USP46: variants seen among roughly 807,000 people sequenced by gnomAD.
USP46 encodes the protein ubiquitin carboxyl-terminal hydrolase 46.
Under a neutral mutation model 44.4 loss-of-function variants are expected in USP46, and 12 were observed. The ratio of observed to expected loss-of-function variants is 0.27; its 90% confidence interval spans 0.17 to 0.44. The LOEUF (loss-of-function observed/expected upper bound fraction) is 0.44, where lower values mean the gene tolerates loss of function less well. Among genes scored for constraint, USP46 ranks in the 20% least tolerant of loss-of-function variants. USP46 has a pLI of 1.00. For missense variants in USP46, 248 were observed against 444.8 expected (o/e 0.56, Z 3.98); for synonymous variants, 155 against 161.5 (o/e 0.96, Z 0.31).
chr4:52,595,137 T>C lies in USP46; in HGVS notation c.*2503A>G, dbSNP rs1577651519. 6.6e-6 allele frequency: 1 copy of C among 152,640 alleles called. No homozygotes were observed. The highest frequency in any genetic ancestry group is 1.5e-5 in the Non-Finnish European group (1 of 68,034). 9.5% of individuals were successfully genotyped at this position (152,640 alleles called of 1,614,324 possible). On this transcript the variant is annotated 3_prime_UTR_variant, in exon 9 of 9. Transcript: ENST00000441222. ...CTCCTGCAGATGACACACGGAATCC[T>C]TGGCCATTGGAGGGAATACTGCAGA...
At chr4:52,643,533 A>C (rs900023907) in intron 1 of USP46, among the ~76,000 whole-genome samples, 1 of 152,248 alleles carries the variant, frequency 6.6e-6, no homozygotes, top group African/African-American at 2.4e-5. Context: ...CCAGACATTT[A>C]CAGAAAAGCT....
At chr4:52,649,874 A>T (rs1465859590) in intron 1 of USP46, among the ~76,000 whole-genome samples, 1 of 152,206 alleles carries the variant, frequency 6.6e-6, no homozygotes, top group Non-Finnish European at 1.5e-5. Flanking sequence ...CTCACATCGG[A>T]ATCAACTGTG....
chr4:52,629,793 G>A, intron 2 of USP46: 1 of 451,584 alleles, frequency 2.2e-6, no homozygotes, highest in Admixed American at 2.4e-5. Flanking sequence ...TCACCCAAAG[G>A]GTAGAAGCCA....
At chr4:52,653,495 C>CAA (rs397880678) in intron 1 of USP46, among the ~76,000 whole-genome samples, 231 of 52,612 alleles carry the variant, frequency 4.4e-3, no homozygotes, top group African/African-American at 7.7e-3. Context: ...AACTCTATCT[C>CAA]AAAAAAAAAA....
At chr4:52,615,276 T>G (rs772705314) in intron 4 of USP46, among the ~76,000 whole-genome samples, 3 of 152,214 alleles carry the variant, frequency 2.0e-5, no homozygotes, top group East Asian at 3.9e-4. Flanking sequence ...CCAATTTCTA[T>G]GCCGTCCGCA....
chr4:52,605,286 T>A (rs1716645166), intron 5 of USP46, among the ~76,000 whole-genome samples: 1 of 152,202 alleles, frequency 6.6e-6, no homozygotes, highest in Admixed American at 6.5e-5. Flanking sequence ...CATATGTGTA[T>A]CTGCCTTATC....
At position 52,626,124 on chromosome 4, in the gene USP46, C is replaced by T; in HGVS notation, c.455G>A (p.Gly152Asp). 1 of 1,613,836 alleles carries T rather than the reference C, an allele frequency of 6.2e-7. No homozygotes were observed. The highest frequency in any genetic ancestry group is 2.2e-5 in the East Asian group (1 of 44,866). ...QEKQNGKLKN[G>D]NMNEPAENNK... ...ATTTTCCGCAGGTTCGTTCATGTTGCCATTTTTTAATTTTCCATTTTGTTT... is the reference window on the plus strand; with the variant it reads ...ATTTTCCGCAGGTTCGTTCATGTTGTCATTTTTTAATTTTCCATTTTGTTT... The change falls in exon 4 of 9, where the codon GGC becomes GAC. Residue 152 changes from glycine (G) to aspartate (D), a missense_variant. Coordinates refer to ENST00000441222, the MANE Select transcript of USP46 (RefSeq NM_022832.4).
intron 1 of USP46, chr4:52,651,007 T>G (rs760857311): frequency 2.0e-5 from 3 of 148,396 alleles, no homozygotes; most frequent in Non-Finnish European, 4.4e-5. Context: ...GGCAGGAGAA[T>G]CGCTTGAACC....
rs1476115023 is a variant in USP46 at position 52,659,163 on chromosome 4, T to G, written c.-13A>C. ...TTCGGACAGTCATTAGTCTAAAGGTTGCAGCGATCCCTCACCGCCATCTTT... is the reference window on the plus strand; with the variant it reads ...TTCGGACAGTCATTAGTCTAAAGGTGGCAGCGATCCCTCACCGCCATCTTT... On this transcript the variant is annotated 5_prime_UTR_variant, in exon 1 of 9. Coordinates refer to ENST00000441222, the MANE Select transcript of USP46 (RefSeq NM_022832.4). This position sits in a 1 kb window ranked among gnomAD's most constrained non-coding sequence, Gnocchi z 4.2. The G allele has an allele frequency of 1.9e-6, 3 of 1,554,214 alleles. No individual in the cohort carries two copies. The highest frequency in any genetic ancestry group is 2.6e-6 in the Non-Finnish European group (3 of 1,150,876).
intron 5 of USP46, among the ~76,000 whole-genome samples, chr4:52,605,727 G>A (rs190248910): frequency 6.6e-5 from 10 of 152,298 alleles, no homozygotes; most frequent in African/African-American, 2.4e-4. Context: ...GATCAGTGCA[G>A]CTTCAACAGA....
intron 1 of USP46, among the ~76,000 whole-genome samples, chr4:52,648,574 A>G (rs1173715252): frequency 1.3e-5 from 2 of 152,224 alleles, no homozygotes; most frequent in African/African-American, 4.8e-5. Flanking sequence ...CACTGACCTA[A>G]GCAACTGGAT....
intron 7 of USP46, 74 bp downstream of exon 7, chr4:52,601,783 G>A (rs1716483327): frequency 1.4e-6 from 2 of 1,479,336 alleles, no homozygotes; most frequent in Non-Finnish European, 1.8e-6. Flanking sequence ...CAGGAAAGGT[G>A]CAGCTGGGTA....
At chr4:52,653,458 G>A (rs537249000) in intron 1 of USP46, among the ~76,000 whole-genome samples, 3 of 135,924 alleles carry the variant, frequency 2.2e-5, no homozygotes, top group East Asian at 4.3e-4. Context: ...TGAAGCCATC[G>A]CACTCCAGCC....
At chr4:52,609,535 C>T (rs975822651) in intron 5 of USP46, among the ~76,000 whole-genome samples, 10 of 152,272 alleles carry the variant, frequency 6.6e-5, no homozygotes, top group Admixed American at 2.0e-4. Flanking sequence ...TTCTCCTGCA[C>T]GTCCTTCTCC....
chr4:52,641,989 T>C (rs367587), intron 1 of USP46, among the ~76,000 whole-genome samples: 16,236 of 152,216 alleles, frequency 0.11, 2,877 homozygotes, highest in African/African-American at 0.37. Context: ...ACTCTACTTA[T>C]CAACTATACT....
intron 5 of USP46, among the ~76,000 whole-genome samples, chr4:52,608,869 G>A (rs929837881): frequency 6.6e-6 from 1 of 152,186 alleles, no homozygotes; most frequent in Non-Finnish European, 1.5e-5. Flanking sequence ...GGTGGTTTTA[G>A]AGCACTGAGC....
chr4:52,629,671 T>C lies in USP46; in HGVS notation c.117+1393A>G, dbSNP rs1235360068. 6.6e-6 allele frequency: 3 copies of C among 456,272 alleles called. No individual in the cohort carries two copies. In the East Asian group the frequency reaches 2.1e-4, roughly 32 times the overall value. The allele number at this position is 456,272 out of a possible 1,614,324, so 28.3% of individuals were successfully genotyped here. On this transcript the variant is annotated intron_variant, in intron 2 of 8. Coordinates refer to ENST00000441222, the MANE Select transcript of USP46 (RefSeq NM_022832.4). ...ACCCTTCAGTAACGCTTGGCCCCAA[T>C]TCAGTGGACAACTCCTGGGAAGGGA...
intron 1 of USP46, among the ~76,000 whole-genome samples, chr4:52,635,137 T>C (rs1435733360): frequency 6.6e-6 from 1 of 151,710 alleles, no homozygotes; most frequent in Non-Finnish European, 1.5e-5. Context: ...CACTGGCTTC[T>C]TTTAAGCCCA....
chr4:52,602,593 C>T (rs1235513186), intron 6 of USP46, among the ~76,000 whole-genome samples: 2 of 152,176 alleles, frequency 1.3e-5, no homozygotes, highest in Non-Finnish European at 2.9e-5. Flanking sequence ...GGGCAAGTCA[C>T]TTCCCTTCTC....
Sources: gnomAD v4.1 joint callset for allele counts (sites outside exome capture counted in the v4.1 genomes callset) on GRCh38, gnomAD v4.1.1 for gene constraint, Gnocchi (gnomAD v3.1) non-coding constraint, MANE v1.5 for transcripts, NCBI Gene and HGNC (gene_info 2026-07-23, HGNC 2026-07-21) for gene names.